Variants in BNC2 observed in about 807,000 individuals in gnomAD.
BNC2 encodes zinc finger protein basonuclin-2.
Under a neutral mutation model 76.3 loss-of-function variants are expected in BNC2, and 20 were observed. The observed-to-expected ratio is 0.26, with a 90% CI of 0.18 to 0.38. The LOEUF is 0.38. Among genes scored for constraint, BNC2 ranks in the 10% least tolerant of loss-of-function variants. BNC2 has a pLI of 1.00. For missense variants in BNC2, 1,382 were observed against 1,399.8 expected (o/e 0.99, Z 0.20); for synonymous variants, 582 against 514.8 (o/e 1.13, Z -1.77).
intron 5 of BNC2, among the ~76,000 whole-genome samples, chr9:16,493,582 T>C (rs992813583): frequency 8.5e-5 from 13 of 152,188 alleles, no homozygotes; most frequent in Non-Finnish European, 1.3e-4. Context: ...TTAATAAACA[T>C]TTAAGACATG....
chr9:16,848,288 T>C (rs1347979812), intron 1 of BNC2, among the ~76,000 whole-genome samples: 1 of 152,132 alleles, frequency 6.6e-6, no homozygotes, highest in African/African-American at 2.4e-5. Context: ...ACAAATGAAA[T>C]TCCATCGATG....
intron 4 of BNC2, among the ~76,000 whole-genome samples, chr9:16,572,235 C>G (rs1191819340): frequency 1.3e-5 from 2 of 152,176 alleles, no homozygotes; most frequent in Non-Finnish European, 2.9e-5. Context: ...AAATTTACTT[C>G]CTGGATGTTT....
chr9:16,434,321 G>T (rs1820960420), intron 6 of BNC2, among the ~76,000 whole-genome samples: 1 of 152,192 alleles, frequency 6.6e-6, no homozygotes, highest in Non-Finnish European at 1.5e-5. Flanking sequence ...CTACTTTTCA[G>T]TGGTACTTTT....
At chr9:16,668,179 G>A (rs766873984) in intron 3 of BNC2, among the ~76,000 whole-genome samples, 2 of 152,150 alleles carry the variant, frequency 1.3e-5, no homozygotes, top group South Asian at 2.1e-4. Context: ...CTCACTGGGA[G>A]ACCTCACTGT....
At chr9:16,491,798 C>T (rs1382725688) in intron 5 of BNC2, among the ~76,000 whole-genome samples, 1 of 152,108 alleles carries the variant, frequency 6.6e-6, no homozygotes, top group Admixed American at 6.6e-5. Flanking sequence ...TACAGAAACA[C>T]CAACAAAGAA....
intron 5 of BNC2, among the ~76,000 whole-genome samples, chr9:16,470,082 CT>C (rs1192931724): frequency 6.7e-6 from 1 of 148,426 alleles, no homozygotes; most frequent in East Asian, 2.0e-4. Context: ...ACTGCAAGCT[CT>C]GCCTCCCGGG....
Position 16,418,699 on chromosome 9 carries a change from T to A in BNC2, c.*290A>T. On this transcript the variant is annotated 3_prime_UTR_variant, in exon 7 of 7. Transcript: ENST00000380672. Reference sequence around the variant, plus strand: ...GTGTGTGTGTGTGTGTGTATGTGCATGTGTGTGTGTGTGTGTTTAAAGGGG... The same window carrying A: ...GTGTGTGTGTGTGTGTGTATGTGCAAGTGTGTGTGTGTGTGTTTAAAGGGG... 1 of 243,426 alleles carries A rather than the reference T, an allele frequency of 4.1e-6. No homozygotes were observed. Among genetic ancestry groups the A allele is most frequent in the Non-Finnish European group, 7.2e-6 (1 of 138,618 alleles). 15.1% of individuals were successfully genotyped at this position (243,426 alleles called of 1,614,324 possible).
chr9:16,763,387 T>C (rs1172126934), intron 1 of BNC2, among the ~76,000 whole-genome samples: 2 of 150,904 alleles, frequency 1.3e-5, no homozygotes, highest in Non-Finnish European at 2.9e-5. Flanking sequence ...CTGGGAAACA[T>C]GACAAAACCC....
intron 5 of BNC2, among the ~76,000 whole-genome samples, chr9:16,444,755 T>C (rs76389813): frequency 0.036 from 5,440 of 152,286 alleles, 263 homozygotes; most frequent in East Asian, 0.12. Context: ...AAAACACTTA[T>C]ACATAATATG....
chr9:16,825,529 T>C (rs923985536), intron 1 of BNC2, among the ~76,000 whole-genome samples: 1 of 152,112 alleles, frequency 6.6e-6, no homozygotes, highest in African/African-American at 2.4e-5. Flanking sequence ...ACTTCCTGCC[T>C]CTAAACTGCT....
At chr9:16,578,576 A>G (rs1047563812) in intron 4 of BNC2, among the ~76,000 whole-genome samples, 1 of 152,134 alleles carries the variant, frequency 6.6e-6, no homozygotes, top group Non-Finnish European at 1.5e-5. Flanking sequence ...AACATTCTGT[A>G]AAATATTTGG....
At chr9:16,653,225 C>T (rs1024067721) in intron 3 of BNC2, among the ~76,000 whole-genome samples, 1 of 152,052 alleles carries the variant, frequency 6.6e-6, no homozygotes, top group South Asian at 2.1e-4. Context: ...TTTAAAATAA[C>T]TGCAGATCAA....
intron 6 of BNC2, among the ~76,000 whole-genome samples, chr9:16,431,643 G>C (rs1820910028): frequency 6.6e-6 from 1 of 152,196 alleles, no homozygotes; most frequent in Non-Finnish European, 1.5e-5. Context: ...CTTGCTATCA[G>C]GATATACTTG....
intron 3 of BNC2, among the ~76,000 whole-genome samples, chr9:16,667,013 A>G (rs899927504): frequency 1.4e-4 from 22 of 152,084 alleles, no homozygotes; most frequent in African/African-American, 5.1e-4. Context: ...AGAACACTGT[A>G]GGCTTCCTAT....
At position 16,527,648 on chromosome 9, in the gene BNC2, AG is replaced by A. The variant is rs1817846603; in HGVS notation, c.669+24881del. Among the ~76,000 whole-genome samples, 5 of 152,286 alleles carry A rather than the reference AG, an allele frequency of 3.3e-5. 1 individual carries two copies. In the South Asian group the frequency reaches 1.0e-3, roughly 32 times the overall value. ...TCAAATCACTAGGGAGCGGCTAAAG[AG>A]TTATTAATGGTGACAGGTACACTAC... On this transcript the variant is annotated intron_variant, in intron 5 of 6. Transcript: ENST00000380672.
chr9:16,601,249 C>T (rs1386023180), intron 3 of BNC2, among the ~76,000 whole-genome samples: 2 of 152,252 alleles, frequency 1.3e-5, no homozygotes, highest in African/African-American at 4.8e-5. Flanking sequence ...ATCGGGGAAT[C>T]GCAACTTCCA....
rs1176102091 is a variant in BNC2 at position 16,411,497 on chromosome 9, C to T, written c.*7492G>A. On this transcript the variant is annotated 3_prime_UTR_variant, in exon 7 of 7. Transcript: ENST00000380672. ...AGAGTTAAGGGGAGAAAGCTAGTAT[C>T]AGCGAGCAGAACTTGTGCAATTTTG... 2.0e-5 allele frequency: 3 copies of T among 152,570 alleles called. No homozygotes were observed. The highest frequency in any genetic ancestry group is 7.2e-5 in the African/African-American group (3 of 41,430). 9.5% of individuals were successfully genotyped at this position (152,570 alleles called of 1,614,324 possible).
intron 3 of BNC2, among the ~76,000 whole-genome samples, chr9:16,675,651 A>G (rs1822616704): frequency 6.6e-6 from 1 of 152,216 alleles, no homozygotes; most frequent in Admixed American, 6.5e-5. Flanking sequence ...ATTGTATCTT[A>G]AAGACTCTGA....
intron 1 of BNC2, chr9:16,832,269 T>C: frequency 7.8e-7 from 1 of 1,284,406 alleles, no homozygotes; most frequent in South Asian, 1.3e-5. Context: ...TCTAGAAGGT[T>C]CTTTGACGTC....
Sources: gnomAD v4.1 joint callset for allele counts (sites outside exome capture counted in the v4.1 genomes callset) on GRCh38, gnomAD v4.1.1 for gene constraint, MANE v1.5 for transcripts, NCBI Gene and HGNC (gene_info 2026-07-23, HGNC 2026-07-21) for gene names.